The following TSPEAR variants were observed in gnomAD, a reference collection of about 807,000 sequenced individuals.
The protein encoded by TSPEAR is thrombospondin-type laminin G domain and EAR repeat-containing protein.
A neutral mutation model predicts 71.6 loss-of-function variants in TSPEAR; 69 were observed. That is an observed-to-expected ratio of 0.96 (90% CI 0.79 to 1.18). The LOEUF (loss-of-function observed/expected upper bound fraction) is 1.18. Ranked by LOEUF, TSPEAR falls within the 50% of genes most tolerant of loss-of-function variation. The pLI is 0.00. For missense variants in TSPEAR, 971 were observed against 894.9 expected (o/e 1.09, Z -1.09); for synonymous variants, 402 against 387.2 (o/e 1.04, Z -0.45).
In TSPEAR at chr21:44,539,258, GC is replaced by G. The variant is rs1601385639; in HGVS notation, c.304-5336del. 7 of 1,590,740 alleles carry G rather than the reference GC, an allele frequency of 4.4e-6. No homozygotes were observed. In the East Asian group the frequency reaches 8.9e-5, roughly 20 times the overall value. Reference sequence around the variant, plus strand: ...AGGAACTGAGCCCAGCTGGCCCAGGGCGGGTGCCCATCAGCAGCTGGACTCC... The same window carrying G: ...AGGAACTGAGCCCAGCTGGCCCAGGGGGGTGCCCATCAGCAGCTGGACTCC... On this transcript the variant is annotated intron_variant, in intron 2 of 11. Transcript: ENST00000323084.
At chr21:44,620,295 A>T (rs1982360396) in intron 1 of TSPEAR, among the ~76,000 whole-genome samples, 1 of 152,242 alleles carries the variant, frequency 6.6e-6, no homozygotes, top group African/African-American at 2.4e-5. Flanking sequence ...TTGCTGAAAG[A>T]TGTCCCTTAC....
intron 1 of TSPEAR, chr21:44,676,270 C>T: frequency 2.4e-6 from 3 of 1,264,184 alleles, no homozygotes; most frequent in Non-Finnish European, 3.5e-6. Flanking sequence ...ACTGTACACC[C>T]CATGGGTCAG....
At chr21:44,534,038 G>T in intron 2 of TSPEAR, 115 bp from the exon 3 acceptor site, 1 of 761,826 alleles carries the variant, frequency 1.3e-6, no homozygotes, top group South Asian at 1.7e-5. Context: ...AGCAGGGGCT[G>T]ACTGGAGGGG....
chr21:44,636,348 G>T (rs1983566523), intron 1 of TSPEAR, among the ~76,000 whole-genome samples: 1 of 152,138 alleles, frequency 6.6e-6, no homozygotes, highest in Non-Finnish European at 1.5e-5. Context: ...CTGGCTGACG[G>T]GCTTCCTTTC....
intron 1 of TSPEAR, chr21:44,681,916 AG>A: frequency 6.2e-7 from 1 of 1,614,152 alleles, no homozygotes; most frequent in Non-Finnish European, 8.5e-7. Context: ...GAGGACTGGC[AG>A]GAGGGAGCCG....
chr21:44,526,904 C>T (rs781952448), intron 7 of TSPEAR, among the ~76,000 whole-genome samples: 7 of 152,324 alleles, frequency 4.6e-5, no homozygotes, highest in Admixed American at 3.9e-4. Context: ...GTGGACATCA[C>T]GTGTCCTCAA....
At chr21:44,672,573 A>C (rs1986111126) in intron 1 of TSPEAR, among the ~76,000 whole-genome samples, 1 of 69,322 alleles carries the variant, frequency 1.4e-5, no homozygotes, top group African/African-American at 6.0e-5. Flanking sequence ...CCGTCTCAAA[A>C]CAAAAAAAAA....
intron 1 of TSPEAR, chr21:44,592,512 G>A: frequency 6.3e-7 from 1 of 1,586,880 alleles, no homozygotes; most frequent in Non-Finnish European, 8.6e-7. Flanking sequence ...GGAGGGTGAG[G>A]GAGTGAGCCT....
chr21:44,676,965 T>C (rs782669585), intron 1 of TSPEAR: 1 of 927,360 alleles, frequency 1.1e-6, no homozygotes, highest in Non-Finnish European at 1.8e-6. Flanking sequence ...GCTTGTCAGC[T>C]GGGTCCGAAA....
At chr21:44,592,536 G>C (rs1555927064) in intron 1 of TSPEAR, 1 of 1,556,394 alleles carries the variant, frequency 6.4e-7, no homozygotes, top group Admixed American at 1.8e-5. Flanking sequence ...AGGTGCTGAG[G>C]CTCTCGGGCT....
At chr21:44,700,249 G>C (rs1987585361) in intron 1 of TSPEAR, among the ~76,000 whole-genome samples, 2 of 152,244 alleles carry the variant, frequency 1.3e-5, no homozygotes, top group Admixed American at 6.5e-5. Flanking sequence ...TCCACCACCA[G>C]GAAGGCTGGA....
At chr21:44,662,713 C>T (rs920417291) in intron 1 of TSPEAR, among the ~76,000 whole-genome samples, 3 of 152,100 alleles carry the variant, frequency 2.0e-5, no homozygotes, top group African/African-American at 7.2e-5. Context: ...CTATATTGTG[C>T]CATAAAATAA....
intron 1 of TSPEAR, among the ~76,000 whole-genome samples, chr21:44,604,011 G>T (rs900953129): frequency 1.3e-5 from 2 of 152,242 alleles, no homozygotes; most frequent in Non-Finnish European, 2.9e-5. Context: ...TGGGCTGGCA[G>T]GTTCCAGCCA....
In TSPEAR at chr21:44,533,774, G is replaced by A. The variant is rs369476470; in HGVS notation, c.453C>T (p.Ala151=). Residue 151 remains alanine, a synonymous_variant, in exon 3 of 12, where the codon GCC becomes GCT. Coordinates refer to ENST00000323084, the MANE Select transcript of TSPEAR (RefSeq NM_144991.3). ...WQTRVSFRSP[A]LVDGRWHTLV... is the part of the protein sequence containing the mutation. ...GTGTGTGCCAGCGGCCATCCACCAGGGCCGGGCTGCGGAAGGACACTCGGG... is the reference window on the plus strand; with the variant it reads ...GTGTGTGCCAGCGGCCATCCACCAGAGCCGGGCTGCGGAAGGACACTCGGG... The A allele has an allele frequency of 1.8e-5, 29 of 1,612,344 alleles. No individual in the cohort carries two copies. Among genetic ancestry groups the A allele is most frequent in the Non-Finnish European group, 2.3e-5 (27 of 1,179,890 alleles).
At chr21:44,638,266 A>C in intron 1 of TSPEAR, 5 of 1,502,478 alleles carry the variant, frequency 3.3e-6, no homozygotes, top group Non-Finnish European at 4.4e-6. Context: ...TGACACCCTC[A>C]GAAGGTGGGG....
At chr21:44,697,187 A>ACGGCTGCATCCACCATGTC (rs1555950698) in intron 1 of TSPEAR, 2 of 1,610,354 alleles carry the variant, frequency 1.2e-6, no homozygotes, top group Non-Finnish European at 1.7e-6. Flanking sequence ...AACCCCCAGC[A>ACGGCTGCATCCACCATGTC]CGGCTGCATC....
Position 44,516,866 on chromosome 21 carries a change from TC to T in TSPEAR, c.1566+5016del, listed in dbSNP as rs587646765. Among the ~76,000 whole-genome samples, 585 of 152,242 alleles carry T rather than the reference TC, an allele frequency of 3.8e-3. 8 individuals are homozygous for T. Among genetic ancestry groups the T allele is most frequent in the African/African-American group, 0.013 (555 of 41,544 alleles). On this transcript the variant is annotated intron_variant, in intron 9 of 11. Coordinates refer to ENST00000323084, the MANE Select transcript of TSPEAR (RefSeq NM_144991.3). ...AGTTGTCCCCTCCTGGGTATGGCCC[TC>T]CCCTCCTTCCTTCCCAGAGGAAGAA...
chr21:44,574,942 C>T (rs1555923671), intron 1 of TSPEAR: 4 of 1,605,826 alleles, frequency 2.5e-6, no homozygotes, highest in Non-Finnish European at 2.6e-6. Context: ...TGCCGCCCAG[C>T]CTCCTGCGTG....
intron 1 of TSPEAR, among the ~76,000 whole-genome samples, chr21:44,703,928 G>A (rs969723924): frequency 2.6e-5 from 4 of 152,184 alleles, no homozygotes; most frequent in African/African-American, 7.2e-5. Context: ...AGCTGGAACC[G>A]GCTGGGACTG....
Sources: gnomAD v4.1 joint callset for allele counts (sites outside exome capture counted in the v4.1 genomes callset) on GRCh38, gnomAD v4.1.1 for gene constraint, MANE v1.5 for transcripts, NCBI Gene and HGNC (gene_info 2026-07-23, HGNC 2026-07-21) for gene names.